The following RFX3 variants were observed in gnomAD, a reference collection of about 807,000 sequenced individuals.
The protein encoded by RFX3 is regulatory factor X3.
RFX3 carries 14 observed loss-of-function variants against 98.6 expected under a neutral mutation model. The ratio of observed to expected loss-of-function variants is 0.14; its 90% CI spans 0.09 to 0.22. The LOEUF is 0.22. Ranked by LOEUF, RFX3 falls within the 10% of genes least tolerant of loss-of-function variation. The pLI is 1.00. For synonymous variants in RFX3, 383 were observed against 328.4 expected, an observed-to-expected ratio of 1.17 and a Z score of -1.80; for missense variants, 639 against 926.9, an observed-to-expected ratio of 0.69 and a Z score of 4.03.
intron 1 of RFX3, among the ~76,000 whole-genome samples, chr9:3,454,860 C>G (rs1847003791): frequency 6.6e-6 from 1 of 152,142 alleles, no homozygotes; most frequent in African/African-American, 2.4e-5. Flanking sequence ...AAATCAGGGA[C>G]ACAGAAATAA....
intron 15 of RFX3, among the ~76,000 whole-genome samples, chr9:3,237,086 C>T (rs573854524): frequency 6.6e-6 from 1 of 152,358 alleles, no homozygotes; most frequent in African/African-American, 2.4e-5. Flanking sequence ...TTCACAAGTA[C>T]TTACAAAACC....
At chr9:3,505,178 A>AT (rs1816814198) in intron 1 of RFX3, among the ~76,000 whole-genome samples, 2 of 84,272 alleles carry the variant, frequency 2.4e-5, no homozygotes, top group African/African-American at 1.1e-4. Context: ...ATATTCATAT[A>AT]AATATATATA....
At chr9:3,377,594 A>C (rs1838690920) in intron 2 of RFX3, among the ~76,000 whole-genome samples, 1 of 152,212 alleles carries the variant, frequency 6.6e-6, no homozygotes, top group Admixed American at 6.5e-5. Context: ...TAATAATAAA[A>C]AAAAGAATAT....
At chr9:3,403,247 T>A (rs1211125665) in intron 1 of RFX3, among the ~76,000 whole-genome samples, 2 of 152,080 alleles carry the variant, frequency 1.3e-5, no homozygotes, top group Non-Finnish European at 2.9e-5. Flanking sequence ...TTAAAACACA[T>A]CTTTGTGAAA....
chr9:3,243,565 G>A (rs1166512953), intron 15 of RFX3, among the ~76,000 whole-genome samples: 1 of 152,064 alleles, frequency 6.6e-6, no homozygotes, highest in Non-Finnish European at 1.5e-5. Context: ...TATATATCTT[G>A]TTTATATGTA....
chr9:3,476,523 C>A (rs1849270662), intron 1 of RFX3, among the ~76,000 whole-genome samples: 1 of 152,044 alleles, frequency 6.6e-6, no homozygotes, highest in African/African-American at 2.4e-5. Flanking sequence ...TGCCATTAAA[C>A]CAAGTCAATT....
intron 2 of RFX3, among the ~76,000 whole-genome samples, chr9:3,366,188 G>A (rs144329637): frequency 5.3e-5 from 8 of 152,210 alleles, no homozygotes; most frequent in African/African-American, 1.9e-4. Flanking sequence ...ATATGCTACA[G>A]GACCCAACAC....
At chr9:3,523,233 G>C (rs961468232) in intron 1 of RFX3, among the ~76,000 whole-genome samples, 3 of 152,120 alleles carry the variant, frequency 2.0e-5, no homozygotes, top group Non-Finnish European at 4.4e-5. Context: ...TTCAAAGCAT[G>C]ATCACTTTTA....
chr9:3,443,228 G>C (rs1255154475), intron 1 of RFX3, among the ~76,000 whole-genome samples: 1 of 152,212 alleles, frequency 6.6e-6, no homozygotes, highest in Non-Finnish European at 1.5e-5. Context: ...AGCGGTATAT[G>C]TGCAGGATGT....
chr9:3,268,284 T>C (rs983112544), intron 11 of RFX3, among the ~76,000 whole-genome samples: 3 of 151,800 alleles, frequency 2.0e-5, no homozygotes, highest in Non-Finnish European at 4.4e-5. Flanking sequence ...GAAGTGCTAG[T>C]AGCCAGGAAA....
chr9:3,327,820 T>A (rs908263488), intron 4 of RFX3, among the ~76,000 whole-genome samples: 3 of 152,108 alleles, frequency 2.0e-5, no homozygotes, highest in Non-Finnish European at 4.4e-5. Flanking sequence ...CAAATTTGTA[T>A]AATGGATAAC....
In RFX3 at chr9:3,221,853, T is replaced by A. The variant is rs1817356106; in HGVS notation, c.*3189A>T. On this transcript the variant is annotated 3_prime_UTR_variant, in exon 17 of 17. Transcript: ENST00000617270. Reference sequence around the variant, plus strand: ...TTGAAAACAGTCAACATACCTTCCTTACATTCTTCCTCACTGAAAGTGTAG... The same window carrying A: ...TTGAAAACAGTCAACATACCTTCCTAACATTCTTCCTCACTGAAAGTGTAG... 1 of 152,300 alleles carries A rather than the reference T, an allele frequency of 6.6e-6. No individual in the cohort carries two copies. Among genetic ancestry groups the A allele is most frequent in the African/African-American group, 2.4e-5 (1 of 41,572 alleles). The allele number at this position is 152,300 out of a possible 1,614,324, so 9.4% of individuals were successfully genotyped here. A position where few individuals can be genotyped will look rare whatever the true frequency, so the allele number is the denominator to read the frequency against.
intron 11 of RFX3, among the ~76,000 whole-genome samples, chr9:3,267,600 TAGGAA>T: frequency 6.6e-6 from 1 of 151,886 alleles, no homozygotes; most frequent in Non-Finnish European, 1.5e-5. Context: ...AAATTTTGGT[TAGGAA>T]AAACACTCAA....
At chr9:3,270,609 C>G (rs1824295445) in intron 10 of RFX3, 84 bp from the exon 11 acceptor site, 1 of 1,345,968 alleles carries the variant, frequency 7.4e-7, no homozygotes, top group Admixed American at 1.9e-5. Flanking sequence ...TTAAGTTTAC[C>G]AAATATTACT....
chr9:3,365,208 G>A (rs1836912624), intron 2 of RFX3, among the ~76,000 whole-genome samples: 1 of 151,702 alleles, frequency 6.6e-6, no homozygotes, highest in African/African-American at 2.4e-5. Context: ...GCTGAGGCAG[G>A]GGAATCGCTT....
At chr9:3,494,458 G>A (rs1432627297) in intron 1 of RFX3, among the ~76,000 whole-genome samples, 1 of 152,056 alleles carries the variant, frequency 6.6e-6, no homozygotes, top group East Asian at 1.9e-4. Flanking sequence ...TAATTTCCAT[G>A]GTGTGTATAC....
chr9:3,522,056 C>T (rs1818772234), intron 1 of RFX3, among the ~76,000 whole-genome samples: 1 of 151,030 alleles, frequency 6.6e-6, no homozygotes, highest in Non-Finnish European at 1.5e-5. Context: ...AAAAAAAAAA[C>T]TTTTCCTAGA....
intron 2 of RFX3, among the ~76,000 whole-genome samples, chr9:3,354,700 C>A (rs887440675): frequency 3.3e-5 from 5 of 151,438 alleles, no homozygotes; most frequent in Admixed American, 3.3e-4. Flanking sequence ...AAGATAATGA[C>A]AAAAGAAGTT....
chr9:3,228,881 A>C lies in RFX3; in HGVS notation c.1977T>G (p.Asp659Glu), dbSNP rs769588827. ...GATTTCCAGGAGACACGGCATTTAA[A>C]TCACCAAACTGCAAAACAATAGTCA... ...TPIAVMGEFG[D>E]LNAVSPGNLD... is the part of the protein sequence containing the mutation. Residue 659 changes from aspartate to glutamate, a missense_variant, in exon 16 of 17, where the codon GAT becomes GAG. Asp to Glu is a conservative substitution (Grantham distance 45). Around this residue, in one of 9 missense-constraint regions of RFX3, gnomAD observed 129 missense variants for 124.6 expected, o/e 1.04. Coordinates refer to ENST00000617270, the MANE Select transcript of RFX3 (RefSeq NM_001282116.2). 5.0e-6 allele frequency: 8 copies of C among 1,611,350 alleles called. No homozygotes were observed. The highest frequency in any genetic ancestry group is 6.8e-6 in the Non-Finnish European group (8 of 1,178,978).
Sources: gnomAD v4.1 joint callset for allele counts (sites outside exome capture counted in the v4.1 genomes callset) on GRCh38, gnomAD v4.1.1 for gene constraint, gnomAD v4.1.1 regional missense constraint, MANE v1.5 for transcripts, NCBI Gene and HGNC (gene_info 2026-07-23, HGNC 2026-07-21) for gene names.